Variants in DEAF1 observed in about 807,000 individuals in gnomAD.
The protein encoded by DEAF1 is DEAF1 transcription factor, also known as deformed epidermal autoregulatory factor 1 homolog.
In DEAF1, 53 loss-of-function variants were observed where a neutral mutation model predicts 58.9. That is an observed-to-expected ratio of 0.90 (90% CI 0.72 to 1.13). The LOEUF (loss-of-function observed/expected upper bound fraction) is 1.13, where lower values mean the gene tolerates loss of function less well. DEAF1 is among the 50% of genes most tolerant of loss of function. DEAF1 has a pLI of 0.00. For synonymous variants in DEAF1, 385 were observed against 340.4 expected, an observed-to-expected ratio of 1.13 and a Z score of -1.44; for missense variants, 685 against 791.4, an observed-to-expected ratio of 0.87 and a Z score of 1.61.
chr11:686,653 C>T (rs1223588618), intron 5 of DEAF1, among the ~76,000 whole-genome samples: 3 of 152,214 alleles, frequency 2.0e-5, no homozygotes, highest in African/African-American at 4.8e-5. Flanking sequence ...CACAGGGTCA[C>T]GATCATCGTC....
At chr11:702,438 C>T (rs963475610) in intron 1 of DEAF1, among the ~76,000 whole-genome samples, 5 of 152,236 alleles carry the variant, frequency 3.3e-5, no homozygotes, top group South Asian at 2.1e-4. Context: ...TCCCCAAGCG[C>T]GCCGCACACT....
At chr11:657,239 T>C (rs1859102284) in intron 10 of DEAF1, among the ~76,000 whole-genome samples, 1 of 152,012 alleles carries the variant, frequency 6.6e-6, no homozygotes, top group South Asian at 2.1e-4. Flanking sequence ...CGGGGCTCCT[T>C]GGAGAAGGGG....
chr11:695,811 C>T (rs1260577915), upstream of DEAF1: 1 of 1,232,202 alleles, frequency 8.1e-7, no homozygotes, highest in Non-Finnish European at 1.0e-6. Flanking sequence ...GACGGACCGG[C>T]GGGCGGGGCG....
chr11:680,144 A>T (rs571161876), intron 7 of DEAF1: 4 of 371,044 alleles, frequency 1.1e-5, no homozygotes, highest in Non-Finnish European at 2.0e-5. Context: ...GTTCGAATTA[A>T]GAAAAAATCT....
intron 11 of DEAF1, chr11:651,432 TAAATAAA>T (rs1858767940): frequency 3.2e-6 from 1 of 309,698 alleles, no homozygotes; most frequent in Non-Finnish European, 6.1e-6. Context: ...AAAAAAAAAT[TAAATAAA>T]AAATAAAAAA....
chr11:647,421 C>T (rs1858549906), intron 11 of DEAF1, among the ~76,000 whole-genome samples: 1 of 152,188 alleles, frequency 6.6e-6, no homozygotes, highest in Non-Finnish European at 1.5e-5. Context: ...CGCCGCTGCA[C>T]TCCAGCCTGG....
chr11:699,038 T>C (rs979981640), upstream of DEAF1: 2 of 895,392 alleles, frequency 2.2e-6, no homozygotes, highest in Admixed American at 3.8e-5. Flanking sequence ...ATTTAGAGAG[T>C]TGATGTAACT....
intron 9 of DEAF1, chr11:678,350 G>C (rs1451264270): frequency 5.7e-6 from 2 of 353,146 alleles, no homozygotes; most frequent in Non-Finnish European, 1.1e-5. Flanking sequence ...CAGCTCTGGA[G>C]AGACCAAGAC....
chr11:700,710 G>A (rs994797243), intron 1 of DEAF1: 1 of 1,613,002 alleles, frequency 6.2e-7, no homozygotes. Flanking sequence ...ATACCTGGGT[G>A]AGTGGACTGT....
At chr11:663,888 C>G (rs1338300403) in intron 10 of DEAF1, among the ~76,000 whole-genome samples, 1 of 152,180 alleles carries the variant, frequency 6.6e-6, no homozygotes, top group Non-Finnish European at 1.5e-5. Context: ...CTTCCTGAAG[C>G]TATATGTTCA....
At chr11:699,178 A>G (rs1219076856), upstream of DEAF1, 1 of 480,448 alleles carries the variant, frequency 2.1e-6, no homozygotes, top group African/African-American at 1.9e-5. Flanking sequence ...TGGCAGGAAG[A>G]TGGAAATCCC....
intron 10 of DEAF1, among the ~76,000 whole-genome samples, chr11:666,948 C>T (rs1395823595): frequency 6.6e-6 from 1 of 151,246 alleles, no homozygotes; most frequent in Admixed American, 6.6e-5. Flanking sequence ...CTGGTAATCC[C>T]AGTACTTTAG....
At chr11:667,332 AAAAG>A (rs1293264131) in intron 10 of DEAF1, among the ~76,000 whole-genome samples, 1 of 144,824 alleles carries the variant, frequency 6.9e-6, no homozygotes, top group Non-Finnish European at 1.5e-5. Context: ...AAAGAAAGAA[AAAAG>A]AAGGAAGGAA....
chr11:696,767 C>CAA (rs61034313), upstream of DEAF1, among the ~76,000 whole-genome samples: 143 of 116,266 alleles, frequency 1.2e-3, no homozygotes, highest in African/African-American at 2.9e-3. Context: ...CCCCCTTCTA[C>CAA]AAAAAAAAAA....
chr11:677,317 G>A (rs1351237152), intron 9 of DEAF1, among the ~76,000 whole-genome samples: 8 of 147,914 alleles, frequency 5.4e-5, no homozygotes, highest in African/African-American at 9.9e-5. Flanking sequence ...TGGCCAACAC[G>A]GTGAAACCCC....
At position 679,968 on chromosome 11, in the gene DEAF1, A is replaced by T. The variant is rs531122194; in HGVS notation, c.998-152T>A. 2.1e-3 allele frequency: 2,312 copies of T among 1,089,230 alleles called. 9 individuals carry two copies. Among genetic ancestry groups the T allele is most frequent in the Middle Eastern group, 4.5e-3 (16 of 3,524 alleles). The allele number at this position is 1,089,230 out of a possible 1,614,324, so 67.5% of individuals were successfully genotyped here. A position where few individuals can be genotyped will look rare whatever the true frequency, so the allele number is the denominator to read the frequency against. On this transcript the variant is annotated intron_variant, in intron 7 of 11. Transcript: ENST00000382409. ...CCTCCCATGTGAAGGACACGGGGGA[A>T]ATCCCAGACCTTGGAGAAGACCTCA...
chr11:651,712 C>T (rs903139839), intron 11 of DEAF1, among the ~76,000 whole-genome samples: 48 of 152,300 alleles, frequency 3.2e-4, no homozygotes, highest in African/African-American at 1.1e-3. Flanking sequence ...CAGTGAAACC[C>T]TGTCTCTACT....
chr11:680,790 C>A (rs1860325460), intron 7 of DEAF1, among the ~76,000 whole-genome samples, 173 bp downstream of exon 7: 1 of 152,208 alleles, frequency 6.6e-6, no homozygotes, highest in Admixed American at 6.5e-5. Context: ...ACTGGGACAC[C>A]CCTTCCCACC....
intron 11 of DEAF1, among the ~76,000 whole-genome samples, chr11:649,903 A>C (rs1489461848): frequency 6.6e-6 from 1 of 151,558 alleles, no homozygotes; most frequent in Non-Finnish European, 1.5e-5. Flanking sequence ...GCTCATGCCT[A>C]TAATCCCAGC....
Sources: allele counts gnomAD v4.1 joint callset (sites outside exome capture counted in the v4.1 genomes callset), GRCh38; gene constraint gnomAD v4.1.1; transcripts MANE v1.5; gene names NCBI Gene and HGNC (gene_info 2026-07-23, HGNC 2026-07-21).